The following GDPD4 variants were observed in gnomAD, a reference collection of about 807,000 sequenced individuals.
GDPD4 encodes glycerophosphodiester phosphodiesterase domain containing 4, also known as glycerophosphodiester phosphodiesterase 6.
GDPD4 carries 60 observed loss-of-function variants against 67.8 expected under a neutral mutation model. The observed-to-expected ratio is 0.88, with a 90% CI of 0.72 to 1.10. The LOEUF (loss-of-function observed/expected upper bound fraction) is 1.10. Ranked by LOEUF, GDPD4 falls within the 50% of genes least tolerant of loss-of-function variation. The pLI, the probability that GDPD4 is intolerant of heterozygous loss-of-function variation, is 0.00. For missense variants in GDPD4, 623 were observed against 613.9 expected, an observed-to-expected ratio of 1.01 and a Z score of -0.16; for synonymous variants, 212 against 210.9, an observed-to-expected ratio of 1.00 and a Z score of -0.04.
intron 4 of GDPD4, 21 bp downstream of exon 4, chr11:77,279,284 AG>A (rs770423909): frequency 6.7e-7 from 1 of 1,496,220 alleles, no homozygotes; most frequent in East Asian, 2.3e-5. Flanking sequence ...AGGGAGTGGA[AG>A]AAATGAGAAG....
Position 77,268,554 on chromosome 11 carries a change from G to T in GDPD4, c.625-15C>A. 2 of 1,579,360 alleles carry T rather than the reference G, an allele frequency of 1.3e-6. No individual in the cohort carries two copies. The highest frequency in any genetic ancestry group is 1.1e-5 in the South Asian group (1 of 90,296). On this transcript the variant is annotated splice_polypyrimidine_tract_variant and intron_variant, in intron 9 of 16. Transcript: ENST00000315938. ...TCAGGCCCCAACTGTAGAAGAAAAG[G>T]ACATCAGGCCCTAAGCCTCAGAGTC... is the stretch of plus-strand genomic sequence containing the variant.
intron 4 of GDPD4, 121 bp from the exon 5 acceptor site, chr11:77,276,341 C>G: frequency 2.6e-6 from 2 of 758,350 alleles, no homozygotes; most frequent in Non-Finnish European, 4.6e-6. Flanking sequence ...TCTTGCTATA[C>G]CTGTACTTTA....
At chr11:77,293,888 T>C (rs112413918) in intron 1 of GDPD4, among the ~76,000 whole-genome samples, 2 of 152,142 alleles carry the variant, frequency 1.3e-5, no homozygotes, top group Non-Finnish European at 2.9e-5. Context: ...TTGTTCAACA[T>C]TGTACTGGCA....
At position 77,278,136 on chromosome 11, in the gene GDPD4, G is replaced by A. The variant is rs113677234; in HGVS notation, c.147+1170C>T. ...TCATTTCTGTTCTTTTACATTTGCT[G>A]AGGAGTGCTTTACTTCTAACCATGT... On this transcript the variant is annotated intron_variant, in intron 4 of 16. Transcript: ENST00000315938. Among the ~76,000 whole-genome samples the A allele has an allele frequency of 3.3e-3, 505 of 152,216 alleles. 1 individual carries two copies. The highest frequency in any genetic ancestry group is 0.011 in the African/African-American group (470 of 41,520).
intron 11 of GDPD4, among the ~76,000 whole-genome samples, chr11:77,247,419 A>T (rs563052738): frequency 1.3e-5 from 2 of 152,238 alleles, no homozygotes; most frequent in Non-Finnish European, 2.9e-5. Context: ...TTTAATCAAT[A>T]TAAGAGTTTA....
At chr11:77,299,049 C>G (rs1173428458) in intron 1 of GDPD4, among the ~76,000 whole-genome samples, 1 of 151,998 alleles carries the variant, frequency 6.6e-6, no homozygotes, top group South Asian at 2.1e-4. Flanking sequence ...AAAAAATCAG[C>G]GTTTAGTCCT....
rs187609472 is a variant in GDPD4 at position 77,240,445 on chromosome 11, T to C, written c.1241+3249A>G. Among the ~76,000 whole-genome samples the C allele has an allele frequency of 6.4e-4, 98 of 152,274 alleles. 1 individual carries two copies. Among genetic ancestry groups the C allele is most frequent in the Middle Eastern group, 6.8e-3 (2 of 294 alleles). On this transcript the variant is annotated intron_variant, in intron 13 of 16. Coordinates refer to ENST00000315938, the MANE Select transcript of GDPD4 (RefSeq NM_182833.3). ...AATTGGATAGCCACATGCAGAAGAATGAAATTAGGCCCTTATCTCATACCA... is the reference window on the plus strand; with the variant it reads ...AATTGGATAGCCACATGCAGAAGAACGAAATTAGGCCCTTATCTCATACCA...
At chr11:77,253,018 G>C (rs1244424243) in intron 11 of GDPD4, among the ~76,000 whole-genome samples, 1 of 152,162 alleles carries the variant, frequency 6.6e-6, no homozygotes, top group Non-Finnish European at 1.5e-5. Context: ...TGTTTACATT[G>C]GCAGAGTCCT....
At chr11:77,244,612 G>A (rs529829061) in intron 12 of GDPD4, among the ~76,000 whole-genome samples, 5 of 152,136 alleles carry the variant, frequency 3.3e-5, no homozygotes, top group Non-Finnish European at 7.3e-5. Flanking sequence ...GCCGAGGCAA[G>A]AGGATCCCTT....
At chr11:77,224,161 T>A (rs1037050826) in intron 16 of GDPD4, 3 of 152,242 alleles carry the variant, frequency 2.0e-5, no homozygotes, top group Non-Finnish European at 4.4e-5. Context: ...GGTGAGGTGA[T>A]GTCCTGCCCT....
Position 77,217,073 on chromosome 11 carries a change from G to A in GDPD4, c.*204C>T, listed in dbSNP as rs567456494. The A allele has an allele frequency of 1.0e-4, 73 of 705,070 alleles. No homozygotes were observed. The highest frequency in any genetic ancestry group is 4.0e-4 in the South Asian group (27 of 67,648). The allele number at this position is 705,070 out of a possible 1,614,324, so 43.7% of individuals were successfully genotyped here. ...GAGTTCAAAGACCACGGTGGGCATC[G>A]GTGGTTGAATCTCATGCTTGCCAGG... On this transcript the variant is annotated 3_prime_UTR_variant, in exon 17 of 17. Coordinates refer to ENST00000315938, the MANE Select transcript of GDPD4 (RefSeq NM_182833.3).
chr11:77,223,351 G>GT (rs1473344279), intron 16 of GDPD4, among the ~76,000 whole-genome samples: 1 of 152,112 alleles, frequency 6.6e-6, no homozygotes, highest in Non-Finnish European at 1.5e-5. Flanking sequence ...TTTGATGATG[G>GT]TGATCTACAG....
intron 11 of GDPD4, among the ~76,000 whole-genome samples, chr11:77,250,186 C>T (rs761061881): frequency 4.6e-5 from 7 of 152,216 alleles, no homozygotes; most frequent in African/African-American, 7.2e-5. Flanking sequence ...TATGAATGAA[C>T]TCATCACTCA....
At position 77,227,915 on chromosome 11, in the gene GDPD4, G is replaced by A. The variant is rs549224703; in HGVS notation, c.1474C>T (p.Arg492Trp). The change falls in exon 16 of 17, where the codon CGG becomes TGG. Residue 492 changes from arginine to tryptophan, a missense_variant and splice_region_variant. Arg to Trp is a moderately radical substitution (Grantham distance 101). Coordinates refer to ENST00000315938, the MANE Select transcript of GDPD4 (RefSeq NM_182833.3). The part of the protein sequence containing the change: ...FIVAIFCFHW[R>W]RETEKEKLFE... ...AATTTTTCTTTTTCAGTCTCTCTCC[G>A]CCTAGAAGGAAGCAGACCATCCATG... 6.2e-6 allele frequency: 10 copies of A among 1,610,406 alleles called. 1 individual carries two copies. The highest frequency in any genetic ancestry group is 3.3e-5 in the South Asian group (3 of 91,026).
chr11:77,232,310 T>C (rs550169466), intron 14 of GDPD4, among the ~76,000 whole-genome samples: 2 of 152,338 alleles, frequency 1.3e-5, no homozygotes, highest in African/African-American at 4.8e-5. Flanking sequence ...AAAGAATCAA[T>C]GCAGCGAAAT....
chr11:77,221,601 T>G (rs1010383515), intron 16 of GDPD4, among the ~76,000 whole-genome samples: 2 of 152,190 alleles, frequency 1.3e-5, no homozygotes, highest in African/African-American at 4.8e-5. Flanking sequence ...GAGAGACAGT[T>G]TGTTGTGATT....
chr11:77,243,194 T>C (rs1958707003), intron 13 of GDPD4, among the ~76,000 whole-genome samples: 1 of 152,286 alleles, frequency 6.6e-6, no homozygotes, highest in African/African-American at 2.4e-5. Context: ...ATAAATACAG[T>C]GGTTAATAAT....
chr11:77,264,329 CA>C (rs1459423424), intron 10 of GDPD4, among the ~76,000 whole-genome samples: 1 of 152,062 alleles, frequency 6.6e-6, no homozygotes, highest in Non-Finnish European at 1.5e-5. Context: ...AACATAGCTG[CA>C]ATTTTATAAA....
intron 1 of GDPD4, among the ~76,000 whole-genome samples, chr11:77,293,589 CAAAA>C (rs35700863): frequency 7.2e-5 from 10 of 139,584 alleles, no homozygotes; most frequent in Admixed American, 1.4e-4. Context: ...GACCTTGTCT[CAAAA>C]AAAAAAAAAA....
Sources: gnomAD v4.1 joint callset for allele counts (sites outside exome capture counted in the v4.1 genomes callset) on GRCh38, gnomAD v4.1.1 for gene constraint, MANE v1.5 for transcripts, NCBI Gene and HGNC (gene_info 2026-07-23, HGNC 2026-07-21) for gene names.